The following PCDHGA9 variants were observed in gnomAD, a reference collection of about 807,000 sequenced individuals.
PCDHGA9 encodes protocadherin gamma-A9.
A neutral mutation model predicts 62.5 loss-of-function variants in PCDHGA9; 37 were observed. The ratio of observed to expected loss-of-function variants is 0.59; its 90% CI spans 0.46 to 0.78. The LOEUF is 0.78. Ranked by LOEUF, PCDHGA9 falls within the 30% of genes least tolerant of loss-of-function variation. PCDHGA9 has a pLI of 0.00. For synonymous variants in PCDHGA9, 459 were observed against 484.6 expected, an observed-to-expected ratio of 0.95 and a Z score of 0.69; for missense variants, 1,138 against 1,166.2, an observed-to-expected ratio of 0.98 and a Z score of 0.35.
Position 141,443,643 on chromosome 5 carries a change from A to C in PCDHGA9, c.2424+38267A>C, listed in dbSNP as rs188777289. The stretch of plus-strand genomic sequence containing the variant: ...GTGATTGTAAAAATTGATCCAGATA[A>C]TGTTAGCATAGCATTTTACTGAACT... On this transcript the variant is annotated intron_variant, in intron 1 of 3. Coordinates refer to ENST00000573521, the MANE Select transcript of PCDHGA9 (RefSeq NM_018921.3). Among the ~76,000 whole-genome samples, 238 of 152,370 alleles carry C rather than the reference A, an allele frequency of 1.6e-3. 2 individuals are homozygous for C. The highest frequency in any genetic ancestry group is 2.5e-3 in the Non-Finnish European group (169 of 68,028).
At chr5:141,462,905 T>G (rs542357408) in intron 1 of PCDHGA9, among the ~76,000 whole-genome samples, 265 of 152,356 alleles carry the variant, frequency 1.7e-3, no homozygotes, top group Non-Finnish European at 3.1e-3. Flanking sequence ...AAGGCTATTA[T>G]GTTTTTTGCA....
chr5:141,473,245 C>T (rs2099317733), intron 1 of PCDHGA9, among the ~76,000 whole-genome samples: 1 of 152,134 alleles, frequency 6.6e-6, no homozygotes, highest in African/African-American at 2.4e-5. Context: ...CAAGTGAATA[C>T]ATATATAGTC....
rs553126235 is a variant in PCDHGA9 at position 141,473,346 on chromosome 5, G to A, written c.2425-21461G>A. Reference sequence around the variant, plus strand: ...AAGTGCCTGCTGTGCTAGACAGTGAGGATGCAAGTGGCCACCAAAATAGCA... The same window carrying A: ...AAGTGCCTGCTGTGCTAGACAGTGAAGATGCAAGTGGCCACCAAAATAGCA... On this transcript the variant is annotated intron_variant, in intron 1 of 3. Transcript: ENST00000573521. Among the ~76,000 whole-genome samples, 9 of 152,310 alleles carry A rather than the reference G, an allele frequency of 5.9e-5. No individual in the cohort carries two copies. The East Asian group carries it at 1.5e-3, about 26-fold the overall frequency.
Position 141,485,064 on chromosome 5 carries a change from G to C in PCDHGA9, c.2425-9743G>C, listed in dbSNP as rs1205637757. On this transcript the variant is annotated intron_variant, in intron 1 of 3. Transcript: ENST00000573521. The surrounding 1 kb of genome is among the most constrained non-coding windows in gnomAD (Gnocchi z 5.7). ...TTGCGGCGCCGGCCGAACCGCGCCA[G>C]AGCTGGCGCGGGGAAAGGGAGATAG... The C allele has an allele frequency of 4.9e-5, 43 of 882,320 alleles. No individual in the cohort carries two copies. The highest frequency in any genetic ancestry group is 7.4e-5 in the Non-Finnish European group (41 of 557,230). 54.7% of individuals were successfully genotyped at this position (882,320 alleles called of 1,614,324 possible).
Position 141,432,911 on chromosome 5 carries a change from C to G in PCDHGA9, c.2424+27535C>G. 5 of 1,614,176 alleles carry G rather than the reference C, an allele frequency of 3.1e-6. No homozygotes were observed. Among genetic ancestry groups the G allele is most frequent in the Non-Finnish European group, 4.2e-6 (5 of 1,180,014 alleles). Reference sequence around the variant, plus strand: ...CTTGCTGCTGGCGCTCAGGCTGCGGCGCTGGCACAAGTCACGCCTGCTGCA... The same window carrying G: ...CTTGCTGCTGGCGCTCAGGCTGCGGGGCTGGCACAAGTCACGCCTGCTGCA... On this transcript the variant is annotated intron_variant, in intron 1 of 3. Transcript: ENST00000573521. This position sits in a 1 kb window ranked among gnomAD's most constrained non-coding sequence, Gnocchi z 6.0.
chr5:141,427,822 T>C (rs1446832816), intron 1 of PCDHGA9: 1 of 1,534,220 alleles, frequency 6.5e-7, no homozygotes, highest in Non-Finnish European at 8.9e-7. Flanking sequence ...GGGGTGGTGG[T>C]CGCGCAGCGT....
intron 1 of PCDHGA9, among the ~76,000 whole-genome samples, chr5:141,424,973 G>A (rs2096851520): frequency 6.6e-6 from 1 of 152,108 alleles, no homozygotes; most frequent in African/African-American, 2.4e-5. Flanking sequence ...AAATTACTTG[G>A]ATATTTATGT....
rs748189764 is a variant in PCDHGA9 at position 141,404,578 on chromosome 5, T to G, written c.1626T>G (p.Leu542=). 1.9e-6 allele frequency: 3 copies of G among 1,613,950 alleles called. No homozygotes were observed. The Admixed American group carries it at 5.0e-5, about 27-fold the overall frequency. The change falls in exon 1 of 4, where the codon CTT becomes CTG. Residue 542 remains leucine (L), a synonymous_variant. Coordinates refer to ENST00000573521, the MANE Select transcript of PCDHGA9 (RefSeq NM_018921.3). ...CAAGTGACAGTGGAAGCCCACCACTTAGCAGCAATGTGTCATTGAGACTGT... is the reference window on the plus strand; with the variant it reads ...CAAGTGACAGTGGAAGCCCACCACTGAGCAGCAATGTGTCATTGAGACTGT... ...VTASDSGSPP[L]SSNVSLRLFV...
Position 141,404,436 on chromosome 5 carries a change from C to T in PCDHGA9, c.1484C>T (p.Thr495Ile). The change falls in exon 1 of 4, where the codon ACC (threonine) becomes ATC (isoleucine). Residue 495 changes from threonine (T) to isoleucine (I), a missense_variant. Thr to Ile is a moderately conservative substitution (Grantham distance 89). Transcript: ENST00000573521. ...SRVIYSLAED[T>I]IQGSPLSTYV... Reference sequence around the variant, plus strand: ...GTTATTTACTCCTTGGCAGAGGATACCATCCAAGGGTCTCCTCTCTCCACC... The same window carrying T: ...GTTATTTACTCCTTGGCAGAGGATATCATCCAAGGGTCTCCTCTCTCCACC... 1.9e-6 allele frequency: 3 copies of T among 1,612,706 alleles called. No individual in the cohort carries two copies. In the East Asian group the frequency reaches 6.7e-5, roughly 36 times the overall value.
chr5:141,447,058 G>A (rs1356080567), intron 1 of PCDHGA9, among the ~76,000 whole-genome samples: 1 of 152,068 alleles, frequency 6.6e-6, no homozygotes, highest in Non-Finnish European at 1.5e-5. Flanking sequence ...ATTAAAATGT[G>A]TCAGGCTGTT....
intron 1 of PCDHGA9, among the ~76,000 whole-genome samples, chr5:141,482,554 A>T (rs997707871): frequency 4.1e-5 from 6 of 146,884 alleles, no homozygotes; most frequent in Non-Finnish European, 6.0e-5. Flanking sequence ...AAAAAAGATA[A>T]TGGAGATCTG....
intron 1 of PCDHGA9, among the ~76,000 whole-genome samples, chr5:141,456,406 G>A (rs1038971451): frequency 2.0e-5 from 3 of 152,080 alleles, no homozygotes; most frequent in South Asian, 2.1e-4. Flanking sequence ...GCTTCTAGGC[G>A]AGAAGAAACA....
chr5:141,422,762 C>A (rs745320796), intron 1 of PCDHGA9: 1 of 1,613,392 alleles, frequency 6.2e-7, no homozygotes, highest in Admixed American at 1.7e-5. Context: ...AACTCCAACA[C>A]TGGTGTTCTC....
In PCDHGA9 at chr5:141,403,600, T is replaced by C. The variant is rs530169293; in HGVS notation, c.648T>C (p.Asp216=). 72 of 1,613,786 alleles carry C rather than the reference T, an allele frequency of 4.5e-5. 1 individual carries two copies. The East Asian group carries it at 1.6e-3, about 35-fold the overall frequency. The change falls in exon 1 of 4, where the codon GAT becomes GAC. Residue 216 remains aspartate, a synonymous_variant. Coordinates refer to ENST00000573521, the MANE Select transcript of PCDHGA9 (RefSeq NM_018921.3). ...TAHHLVLTAS[D]GGEPRRSSTV... is the part of the protein sequence containing the mutation. ...ACCACCTGGTCCTCACGGCCTCGGATGGCGGCGAGCCGCGTCGCTCCAGCA... is the reference window on the plus strand; with the variant it reads ...ACCACCTGGTCCTCACGGCCTCGGACGGCGGCGAGCCGCGTCGCTCCAGCA...
intron 1 of PCDHGA9, among the ~76,000 whole-genome samples, chr5:141,470,385 T>C (rs1278833959): frequency 1.3e-5 from 2 of 152,206 alleles, no homozygotes; most frequent in Non-Finnish European, 2.9e-5. Flanking sequence ...GACTACTCGA[T>C]GATATTTAGG....
At chr5:141,507,842 C>CT (rs2099864170) in intron 3 of PCDHGA9, among the ~76,000 whole-genome samples, 1 of 152,230 alleles carries the variant, frequency 6.6e-6, no homozygotes, top group Admixed American at 6.5e-5. Flanking sequence ...GGGTCAGGCC[C>CT]TGCTCTCACT....
intron 1 of PCDHGA9, among the ~76,000 whole-genome samples, chr5:141,443,696 T>C (rs1293017505): frequency 6.6e-6 from 1 of 152,308 alleles, no homozygotes; most frequent in Admixed American, 6.5e-5. Context: ...TCAAAAATTA[T>C]AGAATAACAT....
chr5:141,483,887 C>G (rs147069309), intron 1 of PCDHGA9, among the ~76,000 whole-genome samples: 13 of 152,036 alleles, frequency 8.6e-5, no homozygotes, highest in Non-Finnish European at 1.2e-4. Context: ...TTTTCTATTT[C>G]TCTGAGCTCT....
intron 1 of PCDHGA9, among the ~76,000 whole-genome samples, chr5:141,446,948 T>C (rs1166868490): frequency 6.6e-6 from 1 of 152,186 alleles, no homozygotes; most frequent in African/African-American, 2.4e-5. Context: ...GTAAGAAACA[T>C]CCAGCACCCA....
Sources: allele counts gnomAD v4.1 joint callset (sites outside exome capture counted in the v4.1 genomes callset), GRCh38; gene constraint gnomAD v4.1.1; non-coding constraint Gnocchi (gnomAD v3.1); transcripts MANE v1.5; gene names NCBI Gene and HGNC (gene_info 2026-07-23, HGNC 2026-07-21).